STIM1: variants seen among roughly 807,000 people sequenced by gnomAD.
STIM1 encodes the protein stromal interaction molecule 1.
Under a neutral mutation model 74.7 loss-of-function variants are expected in STIM1, and 25 were observed. The observed-to-expected ratio is 0.33, with a 90% CI of 0.24 to 0.47. The LOEUF (loss-of-function observed/expected upper bound fraction) is 0.47, where lower values mean the gene tolerates loss of function less well. Ranked by LOEUF, STIM1 falls within the 20% of genes least tolerant of loss-of-function variation. The pLI, the probability that STIM1 is intolerant of heterozygous loss-of-function variation, is 1.00. For synonymous variants in STIM1, 328 were observed against 348.8 expected, an observed-to-expected ratio of 0.94 and a Z score of 0.66; for missense variants, 728 against 920.8, an observed-to-expected ratio of 0.79 and a Z score of 2.71.
chr11:4,013,829 C>T (rs1030562289), intron 2 of STIM1, among the ~76,000 whole-genome samples: 12 of 151,436 alleles, frequency 7.9e-5, no homozygotes, highest in African/African-American at 1.9e-4. Context: ...CTCCGCCTCC[C>T]GAGTAGCTGG....
At chr11:3,999,740 G>T (rs1356117347) in intron 2 of STIM1, 2 of 153,104 alleles carry the variant, frequency 1.3e-5, no homozygotes, top group African/African-American at 2.4e-5. Flanking sequence ...AGGACAGTGG[G>T]TGCAGCACAC....
At chr11:4,028,941 A>G (rs2094023183) in intron 3 of STIM1, among the ~76,000 whole-genome samples, 1 of 151,906 alleles carries the variant, frequency 6.6e-6, no homozygotes, top group East Asian at 1.9e-4. Flanking sequence ...TAATCCCAGC[A>G]CTTTGGGAGG....
chr11:3,876,925 G>A (rs1474151420), intron 1 of STIM1, among the ~76,000 whole-genome samples: 2 of 152,138 alleles, frequency 1.3e-5, no homozygotes, highest in Non-Finnish European at 1.5e-5. Context: ...GAAAGTTTAC[G>A]ATTTGGAATC....
intron 1 of STIM1, among the ~76,000 whole-genome samples, chr11:3,942,990 C>A (rs2093029097): frequency 6.6e-6 from 1 of 152,172 alleles, no homozygotes; most frequent in Non-Finnish European, 1.5e-5. Flanking sequence ...GGAACAGACA[C>A]CCCAGAAGGA....
intron 1 of STIM1, among the ~76,000 whole-genome samples, chr11:3,900,234 G>C (rs532220694): frequency 6.6e-6 from 1 of 152,130 alleles, no homozygotes; most frequent in Non-Finnish European, 1.5e-5. Flanking sequence ...ATGACCCTCC[G>C]AGCCAGGTGC....
chr11:3,976,556 T>A (rs895962634), intron 2 of STIM1, among the ~76,000 whole-genome samples: 18 of 152,256 alleles, frequency 1.2e-4, no homozygotes, highest in Non-Finnish European at 2.5e-4. Flanking sequence ...TTAATTTTTT[T>A]AAAGTTCCCA....
At chr11:4,006,479 A>G (rs1008507882) in intron 2 of STIM1, among the ~76,000 whole-genome samples, 1 of 152,164 alleles carries the variant, frequency 6.6e-6, no homozygotes, top group Non-Finnish European at 1.5e-5. Context: ...CAGTGGCACA[A>G]TCTCGGCTCC....
chr11:3,973,521 T>A (rs1267385045), intron 2 of STIM1: 1 of 217,150 alleles, frequency 4.6e-6, no homozygotes, highest in African/African-American at 2.3e-5. Context: ...CATCTCAGCC[T>A]CCCGAGTAGC....
rs894670625 is a variant in STIM1, at chr11:3,952,042, T to C, written c.140-15510T>C. Reference sequence around the variant, plus strand: ...ACCTTTCAGTTGTCTCTAGACCAGATATTGTGCTGCCCAGCACTGGGCTAG... The same window carrying C: ...ACCTTTCAGTTGTCTCTAGACCAGACATTGTGCTGCCCAGCACTGGGCTAG... On this transcript the variant is annotated intron_variant, in intron 1 of 12. Coordinates refer to ENST00000526596, the MANE Select transcript of STIM1 (RefSeq NM_001382567.1). Among the ~76,000 whole-genome samples, 3 of 152,102 alleles carry C rather than the reference T, an allele frequency of 2.0e-5. No homozygotes were observed. In the South Asian group the frequency reaches 6.2e-4, roughly 31 times the overall value.
At chr11:4,045,914 G>A (rs954099950) in intron 3 of STIM1, among the ~76,000 whole-genome samples, 3 of 150,710 alleles carry the variant, frequency 2.0e-5, no homozygotes, top group Admixed American at 6.6e-5. Flanking sequence ...TTACAGGCAC[G>A]TGACACCATG....
chr11:4,081,684 C>T (rs1459883976), intron 7 of STIM1, among the ~76,000 whole-genome samples: 1 of 152,226 alleles, frequency 6.6e-6, no homozygotes, highest in Non-Finnish European at 1.5e-5. Flanking sequence ...GAAAGTCCTT[C>T]CTCACACTGA....
chr11:4,053,695 C>T (rs2094263562), intron 3 of STIM1, among the ~76,000 whole-genome samples: 1 of 151,586 alleles, frequency 6.6e-6, no homozygotes, highest in Admixed American at 6.6e-5. Flanking sequence ...AAAACCTGCA[C>T]ATTGTGCACA....
At chr11:3,876,315 A>G (rs555397596) in intron 1 of STIM1, among the ~76,000 whole-genome samples, 10 of 152,312 alleles carry the variant, frequency 6.6e-5, no homozygotes, top group Admixed American at 1.3e-4. Context: ...CTAGGTAGGA[A>G]GAAGGATGCA....
intron 1 of STIM1, among the ~76,000 whole-genome samples, chr11:3,861,812 G>A (rs191195307): frequency 1.6e-3 from 245 of 152,222 alleles, no homozygotes; most frequent in Non-Finnish European, 2.9e-3. Context: ...TGGGGCCTTC[G>A]TGTTAAGAAC....
At chr11:3,925,253 G>A (rs1033382331) in intron 1 of STIM1, among the ~76,000 whole-genome samples, 2 of 152,128 alleles carry the variant, frequency 1.3e-5, no homozygotes, top group Non-Finnish European at 2.9e-5. Context: ...AAATTAGCTG[G>A]GCATGGTGGC....
At chr11:3,975,923 AG>A (rs2093443416) in intron 2 of STIM1, among the ~76,000 whole-genome samples, 1 of 152,224 alleles carries the variant, frequency 6.6e-6, no homozygotes, top group Non-Finnish European at 1.5e-5. Flanking sequence ...AGTCTGGAAA[AG>A]TTTCACAGTT....
chr11:3,887,748 C>T (rs2091762967), intron 1 of STIM1, among the ~76,000 whole-genome samples: 1 of 151,998 alleles, frequency 6.6e-6, no homozygotes, highest in Non-Finnish European at 1.5e-5. Flanking sequence ...ACGGGCGGAT[C>T]ACGAGGTCAG....
In STIM1 at chr11:4,082,179, C is replaced by T. The variant is rs777628017; in HGVS notation, c.970-5C>T. The T allele has an allele frequency of 1.9e-6, 3 of 1,614,010 alleles. No individual in the cohort carries two copies. Among genetic ancestry groups the T allele is most frequent in the Non-Finnish European group, 2.5e-6 (3 of 1,180,028 alleles). On this transcript the variant is annotated splice_region_variant and splice_polypyrimidine_tract_variant and intron_variant, in intron 7 of 12. Transcript: ENST00000526596. ...AAATGAACTCACATCCTTTTGGCTG[C>T]CTAGGTTCGGGAGGCCTTGAGGAAA...
At chr11:4,006,616 G>A (rs1383176785) in intron 2 of STIM1, among the ~76,000 whole-genome samples, 3 of 152,142 alleles carry the variant, frequency 2.0e-5, no homozygotes, top group Non-Finnish European at 2.9e-5. Context: ...ATTTGACCAT[G>A]TTGGCCAGGC....
Sources: gnomAD v4.1 joint callset for allele counts (sites outside exome capture counted in the v4.1 genomes callset) on GRCh38, gnomAD v4.1.1 for gene constraint, MANE v1.5 for transcripts, NCBI Gene and HGNC (gene_info 2026-07-23, HGNC 2026-07-21) for gene names.